ZMYND11: variants seen among roughly 807,000 people sequenced by gnomAD.
ZMYND11 encodes zinc finger MYND-type containing 11.
In ZMYND11, 9 loss-of-function variants were observed where a neutral mutation model predicts 84.9. That is an observed-to-expected ratio of 0.11 (90% CI 0.06 to 0.18). The LOEUF is 0.18. Among genes scored for constraint, ZMYND11 ranks in the 10% least tolerant of loss-of-function variants. ZMYND11 has a pLI of 1.00. For missense variants in ZMYND11, 409 were observed against 761.0 expected, an observed-to-expected ratio of 0.54 and a Z score of 5.44; for synonymous variants, 250 against 244.1, an observed-to-expected ratio of 1.02 and a Z score of -0.23.
Position 237,861 on chromosome 10 carries a change from T to C in ZMYND11, c.609+184T>C, listed in dbSNP as rs113976835. On this transcript the variant is annotated intron_variant, in intron 6 of 14. Coordinates refer to ENST00000381604, the MANE Select transcript of ZMYND11 (RefSeq NM_001370100.5). Reference sequence around the variant, plus strand: ...AAGCATTATTAATTTGTAAATTTCATGTGCTTACTCTAATGCAAATTAGGT... The same window carrying C: ...AAGCATTATTAATTTGTAAATTTCACGTGCTTACTCTAATGCAAATTAGGT... Among the ~76,000 whole-genome samples the C allele has an allele frequency of 1.4e-3, 208 of 152,352 alleles. 1 individual carries two copies. The highest frequency in any genetic ancestry group is 4.8e-3 in the African/African-American group (201 of 41,588).
At chr10:142,878 G>A (rs1434094351) in intron 1 of ZMYND11, among the ~76,000 whole-genome samples, 1 of 152,240 alleles carries the variant, frequency 6.6e-6, no homozygotes, top group Admixed American at 6.5e-5. Flanking sequence ...ATAGATAATT[G>A]GTTCATTTTC....
At chr10:224,756 T>C (rs562463343) in intron 4 of ZMYND11, among the ~76,000 whole-genome samples, 4 of 152,150 alleles carry the variant, frequency 2.6e-5, no homozygotes, top group Admixed American at 6.5e-5. Context: ...GCACCTGTTA[T>C]GATTTGAGAG....
intron 1 of ZMYND11, among the ~76,000 whole-genome samples, chr10:145,170 A>G (rs1838467428): frequency 6.6e-6 from 1 of 150,662 alleles, no homozygotes; most frequent in Admixed American, 6.7e-5. Flanking sequence ...GTGTGTATAT[A>G]TATGTGTATA....
chr10:189,387 G>T (rs75233087), intron 2 of ZMYND11, among the ~76,000 whole-genome samples: 3,809 of 152,292 alleles, frequency 0.025, 70 homozygotes, highest in Non-Finnish European at 0.038. Context: ...GAGAGGAAGA[G>T]AATAGCCATT....
At chr10:186,642 CAAAAAAAAAAAAAAAAAAAAAAAAAAAAA>C (rs56345833) in intron 2 of ZMYND11, among the ~76,000 whole-genome samples, 7 of 95,156 alleles carry the variant, frequency 7.4e-5, no homozygotes, top group African/African-American at 2.8e-4. Context: ...AGGACTCTCT[CAAAAAAAAAAAAAAAAAAAAAAAAAAAAA>C]AAAAAAAAGA....
At chr10:211,669 TC>T (rs1945265894) in intron 3 of ZMYND11, among the ~76,000 whole-genome samples, 1 of 152,212 alleles carries the variant, frequency 6.6e-6, no homozygotes, top group South Asian at 2.1e-4. Flanking sequence ...ATTCACATTT[TC>T]CAGCAACAGA....
At chr10:209,050 T>G (rs12572270) in intron 2 of ZMYND11, among the ~76,000 whole-genome samples, 19,139 of 150,708 alleles carry the variant, frequency 0.13, 1,276 homozygotes, top group Admixed American at 0.16. Flanking sequence ...TATATATATA[T>G]AGAGAGAGAG....
At chr10:145,540 G>T (rs1003414710) in intron 1 of ZMYND11, among the ~76,000 whole-genome samples, 1 of 152,056 alleles carries the variant, frequency 6.6e-6, no homozygotes, top group African/African-American at 2.4e-5. Context: ...TCTTTTCTCC[G>T]CATCCATGCC....
intron 10 of ZMYND11, among the ~76,000 whole-genome samples, chr10:246,385 G>C (rs1184821139): frequency 6.6e-6 from 1 of 152,124 alleles, no homozygotes; most frequent in Non-Finnish European, 1.5e-5. Flanking sequence ...ACAGTATTCA[G>C]AACAACAAAT....
intron 1 of ZMYND11, chr10:154,802 G>T (rs1588492154): frequency 6.6e-6 from 1 of 152,038 alleles, no homozygotes; most frequent in African/African-American, 2.4e-5. Flanking sequence ...AATCAATTTT[G>T]TACTGAATTT....
intron 4 of ZMYND11, among the ~76,000 whole-genome samples, chr10:236,088 C>G (rs545655030): frequency 6.6e-5 from 10 of 152,344 alleles, no homozygotes; most frequent in African/African-American, 2.4e-4. Flanking sequence ...GCCACACCCA[C>G]TCATTTCCTC....
At chr10:217,292 G>A (rs1056634994) in intron 3 of ZMYND11, among the ~76,000 whole-genome samples, 1 of 152,114 alleles carries the variant, frequency 6.6e-6, no homozygotes, top group African/African-American at 2.4e-5. Context: ...CTAGCACTTT[G>A]GGCAGATTGC....
chr10:231,198 T>C (rs1358830898), intron 4 of ZMYND11, among the ~76,000 whole-genome samples: 1 of 152,210 alleles, frequency 6.6e-6, no homozygotes, highest in Non-Finnish European at 1.5e-5. Flanking sequence ...AAGCCTAAAA[T>C]ATTTGCTCTC....
Position 180,020 on chromosome 10 carries a change from G to A in ZMYND11, c.8G>A (p.Arg3His), listed in dbSNP as rs370081585. 219 of 1,612,632 alleles carry A rather than the reference G, an allele frequency of 1.4e-4. No individual in the cohort carries two copies. Among genetic ancestry groups the A allele is most frequent in the Non-Finnish European group, 1.8e-4 (210 of 1,179,406 alleles). Reference protein sequence around the residue: MARLTKRRQADTK... With the variant: MAHLTKRRQADTK... ...TAAAGAAGTAAACAGGTCATGGCACGTTTAACAAAAAGACGACAGGCGGAT... is the reference window on the plus strand; with the variant it reads ...TAAAGAAGTAAACAGGTCATGGCACATTTAACAAAAAGACGACAGGCGGAT... Residue 3 changes from arginine to histidine, a missense_variant, in exon 2 of 15, where the codon CGT becomes CAT. Physicochemically the swap from Arg to His is conservative, Grantham distance 29. Around this residue, in one of 7 missense-constraint regions of ZMYND11, gnomAD observed 73 missense variants for 185.8 expected, o/e 0.39. Coordinates refer to ENST00000381604, the MANE Select transcript of ZMYND11 (RefSeq NM_001370100.5).
At chr10:237,702 A>C (rs1480114536) in intron 6 of ZMYND11, 25 bp downstream of exon 6, 2 of 1,548,174 alleles carry the variant, frequency 1.3e-6, no homozygotes, top group Admixed American at 1.8e-5. Flanking sequence ...TTTTATTTCC[A>C]CTTCAAGTAC....
At chr10:238,458 G>A (rs1190383412) in intron 6 of ZMYND11, among the ~76,000 whole-genome samples, 2 of 151,980 alleles carry the variant, frequency 1.3e-5, no homozygotes, top group African/African-American at 2.4e-5. Flanking sequence ...CCGGGTTCAC[G>A]CCATTCTCCT....
At chr10:139,792 A>G (rs56335464) in intron 1 of ZMYND11, among the ~76,000 whole-genome samples, 31,309 of 147,072 alleles carry the variant, frequency 0.21, 4,001 homozygotes, top group Middle Eastern at 0.31. Context: ...GCTCACTACA[A>G]CCTCCACCTC....
intron 2 of ZMYND11, among the ~76,000 whole-genome samples, chr10:203,140 A>C (rs1478357973): frequency 2.6e-5 from 4 of 152,188 alleles, no homozygotes. Flanking sequence ...CTGTTATAAG[A>C]ATCCCCTACA....
At chr10:200,127 C>G (rs1396369016) in intron 2 of ZMYND11, among the ~76,000 whole-genome samples, 1 of 150,478 alleles carries the variant, frequency 6.6e-6, no homozygotes, top group East Asian at 2.0e-4. Context: ...AACACTCTAA[C>G]AGAGGTTTTG....
Sources: gnomAD v4.1 joint callset for allele counts (sites outside exome capture counted in the v4.1 genomes callset) on GRCh38, gnomAD v4.1.1 for gene constraint, gnomAD v4.1.1 regional missense constraint, MANE v1.5 for transcripts, NCBI Gene and HGNC (gene_info 2026-07-23, HGNC 2026-07-21) for gene names.